Variants in FNBP4 observed in about 807,000 individuals in gnomAD.
FNBP4 encodes the protein formin binding protein 4.
Under a neutral mutation model 119.3 loss-of-function variants are expected in FNBP4, and 34 were observed. That is an observed-to-expected ratio of 0.28 (90% CI 0.22 to 0.38). FNBP4 has a LOEUF of 0.38. Ranked by LOEUF, FNBP4 falls within the 10% of genes least tolerant of loss-of-function variation. The pLI, the probability that FNBP4 is intolerant of heterozygous loss-of-function variation, is 1.00. For synonymous variants in FNBP4, 462 were observed against 430.6 expected (o/e 1.07, Z -0.90); for missense variants, 1,112 against 1,228.9 (o/e 0.90, Z 1.42).
At chr11:47,760,438 T>A (rs931800341) in intron 2 of FNBP4, among the ~76,000 whole-genome samples, 5 of 94,012 alleles carry the variant, frequency 5.3e-5, no homozygotes, top group African/African-American at 2.0e-4. Flanking sequence ...ATTTTTTTGT[T>A]TTTTTTTTTT....
At position 47,732,471 on chromosome 11, in the gene FNBP4, G is replaced by C; in HGVS notation, c.1820+66C>G. The C allele has an allele frequency of 2.5e-6, 4 of 1,605,796 alleles. No homozygotes were observed. Among genetic ancestry groups the C allele is most frequent in the Non-Finnish European group, 3.4e-6 (4 of 1,174,060 alleles). ...AGACAGGCTGTCATGTCGTCAGATG[G>C]TGGTGATCACAAATCATGTCTGAGA... On this transcript the variant is annotated intron_variant, in intron 11 of 16. Transcript: ENST00000263773. The surrounding 1 kb of genome is among the most constrained non-coding windows in gnomAD (Gnocchi z 4.2).
At chr11:47,744,980 A>T (rs1282016919) in intron 7 of FNBP4, among the ~76,000 whole-genome samples, 1 of 152,210 alleles carries the variant, frequency 6.6e-6, no homozygotes. Flanking sequence ...TGAAGATTTC[A>T]TTTTAATATG....
At chr11:47,747,639 G>A (rs2097593220) in intron 6 of FNBP4, among the ~76,000 whole-genome samples, 1 of 152,070 alleles carries the variant, frequency 6.6e-6, no homozygotes, top group Non-Finnish European at 1.5e-5. Context: ...TGCCATGAAG[G>A]TGATTTAGAC....
chr11:47,765,457 G>T, intron 1 of FNBP4, 95 bp from the exon 2 acceptor site: 2 of 856,884 alleles, frequency 2.3e-6, no homozygotes, highest in Non-Finnish European at 3.6e-6. Context: ...CACTAGAGGT[G>T]ACAAACCAAC....
chr11:47,736,657 C>A lies in FNBP4; in HGVS notation c.1540G>T (p.Val514Leu). The change falls in exon 9 of 17, where the codon GTA (valine) becomes TTA (leucine). Residue 514 changes from valine to leucine, a missense_variant. Physicochemically the swap from Val to Leu is conservative, Grantham distance 32. Coordinates refer to ENST00000263773, the MANE Select transcript of FNBP4 (RefSeq NM_015308.5). ...TCTTCTACTTTTGGTGTTGTCTGTA[C>A]TTTTATTTTCTCTGGAGATTCTTCT... is the stretch of plus-strand genomic sequence containing the variant. ...EVEESPEKIK[V>L]QTTPKVEEEQ... 6.2e-7 allele frequency: 1 copy of A among 1,604,852 alleles called. No homozygotes were observed. The highest frequency in any genetic ancestry group is 8.5e-7 in the Non-Finnish European group (1 of 1,172,732).
chr11:47,756,626 A>G (rs1026726094), intron 2 of FNBP4, among the ~76,000 whole-genome samples: 5 of 152,028 alleles, frequency 3.3e-5, no homozygotes, highest in African/African-American at 4.8e-5. Context: ...TACATGTACT[A>G]TGTTGGTGTG....
At chr11:47,728,700 C>T (rs2097563960) in intron 12 of FNBP4, among the ~76,000 whole-genome samples, 1 of 151,768 alleles carries the variant, frequency 6.6e-6, no homozygotes, top group Non-Finnish European at 1.5e-5. Context: ...CCAAGCTAGG[C>T]TAATATTCTG....
At chr11:47,731,289 CAT>C in intron 12 of FNBP4, 83 bp downstream of exon 12, 1 of 1,277,912 alleles carries the variant, frequency 7.8e-7, no homozygotes, top group Admixed American at 2.5e-5. Context: ...ATTATTATGA[CAT>C]AAAATCTTTT....
chr11:47,722,181 T>C (rs1266796551), intron 15 of FNBP4, among the ~76,000 whole-genome samples: 2 of 146,880 alleles, frequency 1.4e-5, no homozygotes, highest in Non-Finnish European at 3.0e-5. Context: ...TACTGCTAAA[T>C]CCTAAGCCCC....
chr11:47,730,747 G>A (rs2135103452), intron 12 of FNBP4, among the ~76,000 whole-genome samples: 1 of 152,260 alleles, frequency 6.6e-6, no homozygotes, highest in South Asian at 2.1e-4. Context: ...GAGCATGAAA[G>A]CCTATCTTTT....
chr11:47,749,781 G>A (rs1053227399), intron 6 of FNBP4, among the ~76,000 whole-genome samples: 14 of 151,988 alleles, frequency 9.2e-5, no homozygotes, highest in African/African-American at 3.4e-4. Flanking sequence ...ATGCTCACTG[G>A]AGCATCTCAG....
intron 2 of FNBP4, among the ~76,000 whole-genome samples, chr11:47,763,593 C>T (rs919035835): frequency 1.3e-4 from 20 of 151,370 alleles, no homozygotes; most frequent in African/African-American, 4.1e-4. Context: ...CTCCGCCTCC[C>T]GGGTTCACGC....
chr11:47,718,559 GATT>G (rs1440366945), intron 16 of FNBP4, among the ~76,000 whole-genome samples: 2 of 152,060 alleles, frequency 1.3e-5, no homozygotes, highest in Admixed American at 6.6e-5. Context: ...TATTTGTAAG[GATT>G]AAAATTCAAA....
chr11:47,718,928 T>TG (rs1050129909), intron 16 of FNBP4, among the ~76,000 whole-genome samples: 1 of 139,564 alleles, frequency 7.2e-6, no homozygotes, highest in African/African-American at 2.8e-5. Flanking sequence ...TTTTTTGAGA[T>TG]GGAGTCTTGC....
At chr11:47,746,736 C>T (rs978202210) in intron 6 of FNBP4, among the ~76,000 whole-genome samples, 1 of 152,134 alleles carries the variant, frequency 6.6e-6, no homozygotes, top group Non-Finnish European at 1.5e-5. Context: ...TGGTCTCAAA[C>T]TACTGACCTT....
intron 3 of FNBP4, among the ~76,000 whole-genome samples, chr11:47,754,188 CAG>C (rs2097610757): frequency 6.9e-6 from 1 of 143,968 alleles, no homozygotes. Context: ...GACTGGGCAA[CAG>C]AGTGAGATTC....
intron 12 of FNBP4, among the ~76,000 whole-genome samples, chr11:47,730,727 A>T (rs193194514): frequency 4.8e-4 from 73 of 152,352 alleles, no homozygotes; most frequent in Non-Finnish European, 9.3e-4. Context: ...TAAAAACTAA[A>T]GGAACTGAGG....
chr11:47,759,580 C>A, intron 2 of FNBP4, among the ~76,000 whole-genome samples: 1 of 152,136 alleles, frequency 6.6e-6, no homozygotes, highest in East Asian at 1.9e-4. Context: ...AAAGGAGAAA[C>A]TTCTGTATGA....
At chr11:47,765,404 G>GAAAAGAAAAGAA (rs1565172664) in intron 1 of FNBP4, 42 bp from the exon 2 acceptor site, 2 of 1,363,800 alleles carry the variant, frequency 1.5e-6, no homozygotes, top group Non-Finnish European at 2.0e-6. Context: ...GAAAAGAAAA[G>GAAAAGAAAAGAA]AAAAGAAAAG....
Sources: allele counts gnomAD v4.1 joint callset (sites outside exome capture counted in the v4.1 genomes callset), GRCh38; gene constraint gnomAD v4.1.1; non-coding constraint Gnocchi (gnomAD v3.1); transcripts MANE v1.5; gene names NCBI Gene and HGNC (gene_info 2026-07-23, HGNC 2026-07-21).